The following DNAH7 variants were observed in gnomAD, a reference collection of about 807,000 sequenced individuals.
The protein encoded by DNAH7 is axonemal beta dynein heavy chain 7.
A neutral mutation model predicts 444.6 loss-of-function variants in DNAH7; 397 were observed. The ratio of observed to expected loss-of-function variants is 0.89; its 90% CI spans 0.82 to 0.97. The LOEUF (loss-of-function observed/expected upper bound fraction) is 0.97, where lower values mean the gene tolerates loss of function less well. Among genes scored for constraint, DNAH7 ranks in the 50% least tolerant of loss-of-function variants. The pLI, the probability that DNAH7 is intolerant of heterozygous loss-of-function variation, is 0.00. For missense variants in DNAH7, 4,902 were observed against 4,800.8 expected (o/e 1.02, Z -0.62); for synonymous variants, 1,636 against 1,624.4 (o/e 1.01, Z -0.17).
At chr2:195,797,551 G>A (rs560633862) in intron 55 of DNAH7, among the ~76,000 whole-genome samples, 30 of 152,312 alleles carry the variant, frequency 2.0e-4, no homozygotes, top group African/African-American at 7.0e-4. Context: ...AAAGCAACTA[G>A]GAGGGGCTCA....
intron 28 of DNAH7, 64 bp downstream of exon 28, chr2:195,900,218 A>G: frequency 4.0e-6 from 6 of 1,507,370 alleles, no homozygotes; most frequent in Non-Finnish European, 5.5e-6. Flanking sequence ...AATTCTCTGA[A>G]GACCCATTAG....
At chr2:195,758,725 C>T (rs1164401431) in intron 61 of DNAH7, among the ~76,000 whole-genome samples, 4 of 152,102 alleles carry the variant, frequency 2.6e-5, no homozygotes, top group Admixed American at 6.5e-5. Flanking sequence ...GAGAATCTGT[C>T]GCTTGTAGGA....
chr2:196,063,136 C>T (rs1698227508), intron 1 of DNAH7, among the ~76,000 whole-genome samples: 1 of 152,204 alleles, frequency 6.6e-6, no homozygotes, highest in Non-Finnish European at 1.5e-5. Flanking sequence ...CCCACCTCAG[C>T]CTCCCAAAGT....
intron 8 of DNAH7, among the ~76,000 whole-genome samples, chr2:196,022,591 G>T (rs1369815833): frequency 6.6e-6 from 1 of 152,196 alleles, no homozygotes; most frequent in African/African-American, 2.4e-5. Flanking sequence ...GAGAAATTCA[G>T]TCACATCTTC....
In DNAH7 at chr2:195,881,827, G is replaced by A. The variant is rs371684985; in HGVS notation, c.5929C>T (p.Pro1977Ser). Residue 1977 changes from proline to serine, a missense_variant, in exon 36 of 65, where the codon CCA becomes TCA. Coordinates refer to ENST00000312428, the MANE Select transcript of DNAH7 (RefSeq NM_018897.3). ...THQKPSIFVGPTGTGKSVYIT... is the reference protein window; with the variant it reads ...THQKPSIFVGSTGTGKSVYIT... Reference sequence around the variant, plus strand: ...TAAACACTTTTCCCAGTTCCTGTTGGTCCTACAAATATTGAAGGCTTTTGA... The same window carrying A: ...TAAACACTTTTCCCAGTTCCTGTTGATCCTACAAATATTGAAGGCTTTTGA... 7 of 1,613,832 alleles carry A rather than the reference G, an allele frequency of 4.3e-6. 1 individual carries two copies. In the Middle Eastern group the frequency reaches 9.9e-4, roughly 227 times the overall value.
At chr2:196,065,481 T>C (rs1472100647) in intron 1 of DNAH7, among the ~76,000 whole-genome samples, 1 of 152,224 alleles carries the variant, frequency 6.6e-6, no homozygotes, top group Non-Finnish European at 1.5e-5. Flanking sequence ...CTGCCTCAGA[T>C]CAATTCTTTA....
intron 24 of DNAH7, among the ~76,000 whole-genome samples, chr2:195,913,131 T>C (rs985089790): frequency 1.3e-5 from 2 of 152,194 alleles, no homozygotes; most frequent in Non-Finnish European, 2.9e-5. Context: ...AATTGCTTTC[T>C]GCTTGCATCC....
intron 15 of DNAH7, among the ~76,000 whole-genome samples, chr2:195,982,688 CT>C (rs1197226891): frequency 6.6e-6 from 1 of 152,102 alleles, no homozygotes; most frequent in Non-Finnish European, 1.5e-5. Context: ...ATGGATGGAA[CT>C]GAAGGTCATT....
In DNAH7 at chr2:195,845,080, T is replaced by G; in HGVS notation, c.8867A>C (p.Glu2956Ala). The stretch of plus-strand genomic sequence containing the variant: ...ATTCCAAGTTCGAATTGTCACAGCT[T>G]CTCCCAGGGTACCCATAAGAGAGCA... ...DDCSLMGTLG[E>A]AVTIRTWNIA... The change falls in exon 47 of 65, where the codon GAA becomes GCA. Residue 2956 changes from glutamate (E) to alanine (A), a missense_variant. Transcript: ENST00000312428. 6.2e-7 allele frequency: 1 copy of G among 1,613,880 alleles called. No individual in the cohort carries two copies. Among genetic ancestry groups the G allele is most frequent in the East Asian group, 2.2e-5 (1 of 44,820 alleles).
At chr2:195,754,792 C>T (rs1693993027) in intron 62 of DNAH7, among the ~76,000 whole-genome samples, 1 of 152,186 alleles carries the variant, frequency 6.6e-6, no homozygotes, top group Non-Finnish European at 1.5e-5. Flanking sequence ...GGATTACAGG[C>T]ATGAGCCACC....
chr2:195,770,333 T>C (rs1216582646), intron 61 of DNAH7, among the ~76,000 whole-genome samples: 1 of 152,054 alleles, frequency 6.6e-6, no homozygotes, highest in Non-Finnish European at 1.5e-5. Context: ...CTTCTCTTTA[T>C]ATTTATACTT....
At chr2:196,057,264 A>G (rs1697865540) in intron 2 of DNAH7, among the ~76,000 whole-genome samples, 1 of 152,236 alleles carries the variant, frequency 6.6e-6, no homozygotes, top group African/African-American at 2.4e-5. Context: ...AAATCAGCCA[A>G]CGAAAGCATT....
intron 5 of DNAH7, among the ~76,000 whole-genome samples, chr2:196,039,963 T>G (rs1292558993): frequency 1.3e-5 from 2 of 151,946 alleles, no homozygotes; most frequent in African/African-American, 4.8e-5. Flanking sequence ...CCTAGACACA[T>G]ATAACCTACC....
intron 60 of DNAH7, 41 bp from the exon 61 acceptor site, chr2:195,771,931 G>C (rs1339752494): frequency 6.4e-7 from 1 of 1,552,786 alleles, no homozygotes; most frequent in African/African-American, 1.4e-5. Flanking sequence ...TCCTCATAAA[G>C]GTCTAACAAT....
rs1689083930 is a variant in DNAH7, at chr2:195,936,788, T to G, written c.3083A>C (p.Lys1028Thr). The change falls in exon 20 of 65, where the codon AAA becomes ACA. Residue 1028 changes from lysine to threonine, a missense_variant. Transcript: ENST00000312428. ...RDIMRSVMQD[K>T]HVLTVVTIDR... is the part of the protein sequence containing the mutation. ...AATGGTTACAACTGTCAGAACATGT[T>G]TATCCTAAAAATAAAAATAAAAAAC... 2 of 1,496,840 alleles carry G rather than the reference T, an allele frequency of 1.3e-6. No homozygotes were observed. Among genetic ancestry groups the G allele is most frequent in the Non-Finnish European group, 1.8e-6 (2 of 1,126,972 alleles). 92.7% of individuals were successfully genotyped at this position (1,496,840 alleles called of 1,614,324 possible).
chr2:196,024,572 C>T (rs1214256357), intron 7 of DNAH7, 68 bp from the exon 8 acceptor site: 1 of 838,872 alleles, frequency 1.2e-6, no homozygotes. Context: ...CAAGCAATTG[C>T]AAAGCTAGTT....
intron 10 of DNAH7, among the ~76,000 whole-genome samples, chr2:196,011,844 T>C (rs1559333211): frequency 6.6e-6 from 1 of 152,198 alleles, no homozygotes; most frequent in East Asian, 1.9e-4. Context: ...AATGTATTCC[T>C]AGGGTAGAAC....
At chr2:195,816,569 AT>A in intron 51 of DNAH7, 58 bp downstream of exon 51, 1 of 1,296,590 alleles carries the variant, frequency 7.7e-7, no homozygotes, top group South Asian at 1.4e-5. Flanking sequence ...GAGGTCACAA[AT>A]TACTCTCTGA....
chr2:195,803,148 C>CA (rs1696555691), intron 54 of DNAH7, among the ~76,000 whole-genome samples: 2 of 152,142 alleles, frequency 1.3e-5, no homozygotes, highest in East Asian at 1.9e-4. Context: ...TAAAAATTAA[C>CA]AAAAAAACCC....
Sources: gnomAD v4.1 joint callset for allele counts (sites outside exome capture counted in the v4.1 genomes callset) on GRCh38, gnomAD v4.1.1 for gene constraint, MANE v1.5 for transcripts, NCBI Gene and HGNC (gene_info 2026-07-23, HGNC 2026-07-21) for gene names.